The following COL26A1 variants were observed in gnomAD, a reference collection of about 807,000 sequenced individuals.
COL26A1 encodes the protein collagen alpha-1(XXVI) chain.
A neutral mutation model predicts 59.3 loss-of-function variants in COL26A1; 41 were observed. The ratio of observed to expected loss-of-function variants is 0.69; its 90% CI spans 0.54 to 0.90. The LOEUF (loss-of-function observed/expected upper bound fraction) is 0.90. Ranked by LOEUF, COL26A1 falls within the 40% of genes least tolerant of loss-of-function variation. The probability of loss-of-function intolerance (pLI) is 0.00; values close to 1 mark genes in which losing one functional copy is unlikely to be tolerated. For synonymous variants in COL26A1, 266 were observed against 256.0 expected (o/e 1.04, Z -0.37); for missense variants, 612 against 602.3 (o/e 1.02, Z -0.17).
intron 2 of COL26A1, among the ~76,000 whole-genome samples, chr7:101,442,637 G>C (rs934418680): frequency 6.6e-6 from 1 of 152,144 alleles, no homozygotes; most frequent in Non-Finnish European, 1.5e-5. Context: ...GACTCCCCAG[G>C]CTCCTTAGAT....
chr7:101,468,667 T>C (rs1030730952), intron 3 of COL26A1, among the ~76,000 whole-genome samples: 3 of 152,230 alleles, frequency 2.0e-5, no homozygotes, highest in Admixed American at 6.5e-5. Context: ...ATGTAGCATG[T>C]TCGGTGGTTA....
At chr7:101,494,040 C>T (rs1051447308) in intron 3 of COL26A1, among the ~76,000 whole-genome samples, 6 of 151,966 alleles carry the variant, frequency 3.9e-5, no homozygotes, top group African/African-American at 9.7e-5. Flanking sequence ...TAGAAATGAG[C>T]GGGAAAGGTA....
intron 3 of COL26A1, among the ~76,000 whole-genome samples, chr7:101,505,077 C>T (rs1794779914): frequency 6.6e-6 from 1 of 152,128 alleles, no homozygotes. Flanking sequence ...ATGGCTTGAA[C>T]CAGTGAGCAG....
chr7:101,514,890 C>T (rs535518189), intron 3 of COL26A1, among the ~76,000 whole-genome samples: 9 of 152,370 alleles, frequency 5.9e-5, no homozygotes, highest in Admixed American at 4.6e-4. Context: ...GCTCCCTTCC[C>T]GGCTCCTCCC....
intron 7 of COL26A1, 55 bp downstream of exon 7, chr7:101,545,545 A>G: frequency 6.5e-7 from 1 of 1,541,194 alleles, no homozygotes; most frequent in Admixed American, 2.2e-5. Context: ...GTGTTCTGGG[A>G]GGGATCAGCC....
At position 101,466,615 on chromosome 7, in the gene COL26A1, C is replaced by T. The variant is rs746971886; in HGVS notation, c.385+18828C>T. On this transcript the variant is annotated intron_variant, in intron 3 of 12. Coordinates refer to ENST00000313669, the MANE Select transcript of COL26A1 (RefSeq NM_001278563.3). ...AAAAGTGGGAGAATCGCTTGAGCCT[C>T]GGAGGTTGAGGCTGCAGTGAGCTGT... Among the ~76,000 whole-genome samples, 135 of 152,088 alleles carry T rather than the reference C, an allele frequency of 8.9e-4. 1 individual carries two copies. The highest frequency in any genetic ancestry group is 1.5e-3 in the Non-Finnish European group (101 of 67,982).
intron 3 of COL26A1, among the ~76,000 whole-genome samples, chr7:101,516,472 A>G (rs60467412): frequency 0.02 from 3,028 of 152,016 alleles, 107 homozygotes; most frequent in African/African-American, 0.068. Flanking sequence ...GGGTCTCACT[A>G]GGTTGCCCCA....
In COL26A1 at chr7:101,409,853, C is replaced by T. The variant is rs946578028; in HGVS notation, c.159-10124C>T. On this transcript the variant is annotated intron_variant, in intron 1 of 12. Coordinates refer to ENST00000313669, the MANE Select transcript of COL26A1 (RefSeq NM_001278563.3). ...TCTGCTCACAGCAACCTCCACCTCCCGGGTTCATGCCATTCTCCTGTTTCA... is the reference window on the plus strand; with the variant it reads ...TCTGCTCACAGCAACCTCCACCTCCTGGGTTCATGCCATTCTCCTGTTTCA... Among the ~76,000 whole-genome samples the T allele has an allele frequency of 5.3e-5, 8 of 152,240 alleles. 1 individual carries two copies. The highest frequency in any genetic ancestry group is 4.6e-4 in the Admixed American group (7 of 15,284).
At chr7:101,547,693 G>C (rs528818742) in intron 8 of COL26A1, among the ~76,000 whole-genome samples, 1 of 152,200 alleles carries the variant, frequency 6.6e-6, no homozygotes, top group African/African-American at 2.4e-5. Context: ...CTTTCTGCCC[G>C]GGAAGGGAGT....
intron 3 of COL26A1, among the ~76,000 whole-genome samples, chr7:101,519,449 C>T (rs928784630): frequency 6.6e-6 from 1 of 152,168 alleles, no homozygotes; most frequent in African/African-American, 2.4e-5. Context: ...CAAAAGGAAC[C>T]AAAGTGAGCA....
intron 3 of COL26A1, among the ~76,000 whole-genome samples, chr7:101,529,860 A>G (rs955756788): frequency 6.6e-6 from 1 of 152,072 alleles, no homozygotes; most frequent in Non-Finnish European, 1.5e-5. Context: ...TGCTTTTTCC[A>G]AGTGATCCTG....
chr7:101,382,470 A>G (rs1318665756), intron 1 of COL26A1, among the ~76,000 whole-genome samples: 1 of 152,174 alleles, frequency 6.6e-6, no homozygotes, highest in Non-Finnish European at 1.5e-5. Context: ...CATATAATAA[A>G]TTTCCCTATA....
chr7:101,398,998 C>T (rs1791928617), intron 1 of COL26A1, among the ~76,000 whole-genome samples: 1 of 151,988 alleles, frequency 6.6e-6, no homozygotes, highest in African/African-American at 2.4e-5. Context: ...CAGTGTGGGT[C>T]AGAATTGCCC....
At chr7:101,405,743 G>A (rs1562965065) in intron 1 of COL26A1, among the ~76,000 whole-genome samples, 2 of 152,068 alleles carry the variant, frequency 1.3e-5, no homozygotes, top group South Asian at 4.1e-4. Context: ...GGTAGTTGGG[G>A]ATCACTGCTG....
chr7:101,546,472 C>T (rs1477813066), intron 7 of COL26A1, among the ~76,000 whole-genome samples: 1 of 151,054 alleles, frequency 6.6e-6, no homozygotes, highest in East Asian at 1.9e-4. Flanking sequence ...GATGTGGTCT[C>T]ACTATGTTGG....
intron 3 of COL26A1, among the ~76,000 whole-genome samples, chr7:101,494,251 C>T (rs1482803573): frequency 4.0e-5 from 6 of 151,768 alleles, no homozygotes; most frequent in Admixed American, 6.6e-5. Context: ...CTCAGCCTCC[C>T]GAGTAGCTGG....
At chr7:101,489,760 T>G (rs1393243350) in intron 3 of COL26A1, among the ~76,000 whole-genome samples, 1 of 4,090 alleles carries the variant, frequency 2.4e-4, no homozygotes, top group East Asian at 3.4e-3. Flanking sequence ...TTGTCTCTCT[T>G]TCTTTCTTTC....
At chr7:101,463,516 C>T in intron 3 of COL26A1, among the ~76,000 whole-genome samples, 1 of 96,046 alleles carries the variant, frequency 1.0e-5, no homozygotes, top group Admixed American at 1.1e-4. Flanking sequence ...CCCTTCCCTT[C>T]CCCCCTCTTC....
At position 101,489,818 on chromosome 7, in the gene COL26A1, CTTT is replaced by C. The variant is rs1563008074; in HGVS notation, c.385+42032_385+42034del. Among the ~76,000 whole-genome samples the C allele has an allele frequency of 5.1e-3, 29 of 5,712 alleles. 4 individuals carry two copies. Among genetic ancestry groups the C allele is most frequent in the African/African-American group, 8.8e-3 (6 of 684 alleles). 3.7% of individuals were successfully genotyped at this position (5,712 alleles called of 152,430 possible). A position where few individuals can be genotyped will look rare whatever the true frequency, so the allele number is the denominator to read the frequency against. ...TCTTTCTTTCTTTCTTTCTTTCTTTCTTTCTTTCTTTCTTTCTTTCTTTCTTTC... is the reference window on the plus strand; with the variant it reads ...TCTTTCTTTCTTTCTTTCTTTCTTTCCTTTCTTTCTTTCTTTCTTTCTTTC... On this transcript the variant is annotated intron_variant, in intron 3 of 12. Coordinates refer to ENST00000313669, the MANE Select transcript of COL26A1 (RefSeq NM_001278563.3).
Sources: allele counts gnomAD v4.1 joint callset (sites outside exome capture counted in the v4.1 genomes callset), GRCh38; gene constraint gnomAD v4.1.1; transcripts MANE v1.5; gene names NCBI Gene and HGNC (gene_info 2026-07-23, HGNC 2026-07-21).